Variants in DOCK1 observed in about 807,000 individuals in gnomAD.
DOCK1 encodes the protein dedicator of cytokinesis 1.
In DOCK1, 138 loss-of-function variants were observed where a neutral mutation model predicts 262.7. The observed-to-expected ratio is 0.53, with a 90% CI of 0.46 to 0.61. The LOEUF is 0.61. DOCK1 is among the 20% of genes least tolerant of loss of function. DOCK1 has a pLI of 0.00. For synonymous variants in DOCK1, 866 were observed against 867.4 expected (o/e 1.00, Z 0.03); for missense variants, 1,908 against 2,370.7 (o/e 0.80, Z 4.05).
intron 29 of DOCK1, among the ~76,000 whole-genome samples, chr10:127,306,528 C>T (rs1439893454): frequency 6.6e-6 from 1 of 151,946 alleles, no homozygotes; most frequent in Non-Finnish European, 1.5e-5. Flanking sequence ...CAGCATCATA[C>T]GTTACAAGCA....
intron 29 of DOCK1, among the ~76,000 whole-genome samples, chr10:127,274,902 A>G (rs1265701526): frequency 6.6e-6 from 1 of 152,154 alleles, no homozygotes; most frequent in African/African-American, 2.4e-5. Context: ...AAGCAGAATA[A>G]TATCTAAAAT....
chr10:127,173,094 A>G (rs1206276550), intron 27 of DOCK1, among the ~76,000 whole-genome samples: 5 of 152,146 alleles, frequency 3.3e-5, no homozygotes, highest in Admixed American at 6.5e-5. Context: ...TTGGACGCCC[A>G]CAAGACCACT....
At position 126,965,276 on chromosome 10, in the gene DOCK1, G is replaced by A. The variant is rs988368015; in HGVS notation, c.47-5426G>A. Reference sequence around the variant, plus strand: ...GTAGACAAGTGGGGCAGTCGGAGGCGGAGGGAGGAAGGATTTTCAGCTGCA... The same window carrying A: ...GTAGACAAGTGGGGCAGTCGGAGGCAGAGGGAGGAAGGATTTTCAGCTGCA... On this transcript the variant is annotated intron_variant, in intron 1 of 51. Transcript: ENST00000623213. 1.2e-4 allele frequency among the ~76,000 whole-genome samples: 18 copies of A among 152,308 alleles called. No individual in the cohort carries two copies. In the South Asian group the frequency reaches 3.1e-3, roughly 26 times the overall value.
intron 27 of DOCK1, chr10:127,137,060 C>T (rs1179802051): frequency 1.3e-5 from 2 of 152,586 alleles, no homozygotes; most frequent in African/African-American, 2.4e-5. Context: ...AAAATGAGAT[C>T]TAAGAAAACT....
intron 25 of DOCK1, among the ~76,000 whole-genome samples, chr10:127,115,192 G>A (rs2049107839): frequency 6.6e-6 from 1 of 152,216 alleles, no homozygotes. Flanking sequence ...AGAAGAGGTT[G>A]TGCAGAGGAG....
At chr10:127,132,813 T>C (rs1368110319) in intron 27 of DOCK1, among the ~76,000 whole-genome samples, 1 of 152,188 alleles carries the variant, frequency 6.6e-6, no homozygotes, top group Non-Finnish European at 1.5e-5. Context: ...TGTAATCGAG[T>C]GAGAAGGACT....
At chr10:127,222,535 A>C (rs1338118080) in intron 27 of DOCK1, among the ~76,000 whole-genome samples, 1 of 152,224 alleles carries the variant, frequency 6.6e-6, no homozygotes, top group Non-Finnish European at 1.5e-5. Flanking sequence ...GTAACATCAT[A>C]AACAAGTTTC....
intron 27 of DOCK1, among the ~76,000 whole-genome samples, chr10:127,190,772 T>C (rs569670188): frequency 2.0e-4 from 29 of 147,976 alleles, no homozygotes; most frequent in South Asian, 1.5e-3. Flanking sequence ...CTTCTTTCTA[T>C]CTTGCCACAT....
intron 29 of DOCK1, among the ~76,000 whole-genome samples, chr10:127,335,598 A>T (rs2063155654): frequency 6.6e-6 from 1 of 151,326 alleles, no homozygotes. Context: ...CCCAGGCTGG[A>T]GTGCAGTGGT....
intron 45 of DOCK1, 46 bp downstream of exon 45, chr10:127,418,587 G>A (rs975081113): frequency 1.9e-6 from 3 of 1,561,986 alleles, no homozygotes; most frequent in Non-Finnish European, 2.6e-6. Context: ...CCTGCCCGGG[G>A]ACAGACTGAA....
intron 20 of DOCK1, 134 bp downstream of exon 20, chr10:127,042,848 A>G: frequency 1.0e-6 from 1 of 987,506 alleles, no homozygotes; most frequent in South Asian, 1.6e-5. Flanking sequence ...TCAGAGATGA[A>G]TTGGGGTGGC....
At chr10:127,137,891 T>C (rs781441685) in intron 27 of DOCK1, 1 of 1,614,154 alleles carries the variant, frequency 6.2e-7, no homozygotes. Flanking sequence ...TTTTGGATTT[T>C]TGCTTGGGAG....
At chr10:126,992,716 C>T (rs1016180412) in intron 6 of DOCK1, among the ~76,000 whole-genome samples, 6 of 77,546 alleles carry the variant, frequency 7.7e-5, no homozygotes, top group Non-Finnish European at 1.5e-4. Flanking sequence ...CAAACACAGG[C>T]ACACAGACCC....
chr10:127,343,762 G>T lies in DOCK1; in HGVS notation c.3224+16G>T. On this transcript the variant is annotated intron_variant, in intron 31 of 51. Transcript: ENST00000623213. The stretch of plus-strand genomic sequence containing the variant: ...TCCTTAACAAGTAAGTTCTCATCTA[G>T]CTCTGAAACTGCAGGCAGGAGCCTC... 3 of 1,579,140 alleles carry T rather than the reference G, an allele frequency of 1.9e-6. No homozygotes were observed. Among genetic ancestry groups the T allele is most frequent in the Non-Finnish European group, 8.6e-7 (1 of 1,159,732 alleles).
chr10:127,407,838 C>G (rs910981321), intron 40 of DOCK1, among the ~76,000 whole-genome samples: 3 of 152,052 alleles, frequency 2.0e-5, no homozygotes, highest in Admixed American at 2.0e-4. Context: ...TGTTACCCCC[C>G]CAACCCCAGA....
intron 1 of DOCK1, among the ~76,000 whole-genome samples, chr10:126,968,886 T>C (rs80149447): frequency 0.09 from 13,756 of 152,266 alleles, 689 homozygotes; most frequent in African/African-American, 0.12. Flanking sequence ...CTTTGTCAGT[T>C]GAGGACACTT....
chr10:127,078,748 G>A (rs1323135194), intron 23 of DOCK1, among the ~76,000 whole-genome samples: 1 of 152,150 alleles, frequency 6.6e-6, no homozygotes, highest in Non-Finnish European at 1.5e-5. Flanking sequence ...GTACTACTTA[G>A]CCATAAAAAG....
At chr10:127,196,628 GGGGCC>G (rs1299327829) in intron 27 of DOCK1, among the ~76,000 whole-genome samples, 6 of 146,608 alleles carry the variant, frequency 4.1e-5, no homozygotes, top group East Asian at 4.0e-4. Context: ...GGGGCGGCGC[GGGGCC>G]GGGCCGGGCC....
chr10:127,077,500 T>C (rs543369829), intron 23 of DOCK1, among the ~76,000 whole-genome samples: 1 of 152,244 alleles, frequency 6.6e-6, no homozygotes, highest in East Asian at 1.9e-4. Context: ...TTTGTGGATG[T>C]TATTGGAAAG....
Sources: gnomAD v4.1 joint callset for allele counts (sites outside exome capture counted in the v4.1 genomes callset) on GRCh38, gnomAD v4.1.1 for gene constraint, MANE v1.5 for transcripts, NCBI Gene and HGNC (gene_info 2026-07-23, HGNC 2026-07-21) for gene names.